The following IL31RA variants were observed in gnomAD, a reference collection of about 807,000 sequenced individuals.
IL31RA encodes interleukin 31 receptor A, also known as interleukin-31 receptor subunit alpha.
Under a neutral mutation model 83.7 loss-of-function variants are expected in IL31RA, and 66 were observed. The observed-to-expected ratio is 0.79, with a 90% CI of 0.65 to 0.97. The LOEUF is 0.97. Among genes scored for constraint, IL31RA ranks in the 50% least tolerant of loss-of-function variants. The pLI, the probability that IL31RA is intolerant of heterozygous loss-of-function variation, is 0.00. For synonymous variants in IL31RA, 325 were observed against 329.0 expected (o/e 0.99, Z 0.13); for missense variants, 798 against 919.4 (o/e 0.87, Z 1.71).
At chr5:55,902,661 T>G (rs1393281436) in intron 8 of IL31RA, among the ~76,000 whole-genome samples, 1 of 152,038 alleles carries the variant, frequency 6.6e-6, no homozygotes, top group Non-Finnish European at 1.5e-5. Context: ...GAAAGTAATA[T>G]TCTACAGAAT....
the IL31RA span, chr5:55,839,943 T>C: frequency 1.5e-6 from 1 of 663,830 alleles, no homozygotes; most frequent in Non-Finnish European, 2.8e-6. Context: ...GAAGAAACGC[T>C]GCACTTCATC....
At chr5:55,839,891 A>G in the IL31RA span, 9 of 717,496 alleles carry the variant, frequency 1.3e-5, no homozygotes, top group Admixed American at 1.9e-5. Context: ...TCTGTTGTAG[A>G]TGAAACGAAT....
chr5:55,859,625 G>A (rs769570364), intron 2 of IL31RA, 26 bp downstream of exon 2: 1 of 1,438,842 alleles, frequency 7.0e-7, no homozygotes, highest in Admixed American at 1.7e-5. Context: ...CCCTTTTACA[G>A]ATCATGTGAT....
intron 2 of IL31RA, among the ~76,000 whole-genome samples, chr5:55,861,611 G>A (rs1452555693): frequency 2.0e-5 from 3 of 152,192 alleles, no homozygotes; most frequent in Non-Finnish European, 4.4e-5. Context: ...GGGGACTGCT[G>A]TGATAGAAAA....
At chr5:55,841,924 GT>G in the IL31RA span, among the ~76,000 whole-genome samples, 1 of 150,302 alleles carries the variant, frequency 6.7e-6, no homozygotes, top group Non-Finnish European at 1.5e-5. Flanking sequence ...GGGAGAATCT[GT>G]TCCATGTTTT....
In IL31RA at chr5:55,919,119, G is replaced by A. The variant is rs1057109643; in HGVS notation, c.*1999G>A. ...TTGGCAACCCCACCTTCAGATTCAT[G>A]AACATATGGGGAGATTCTAGCCTTG... is the stretch of plus-strand genomic sequence containing the variant. On this transcript the variant is annotated 3_prime_UTR_variant, in exon 15 of 15. Transcript: ENST00000652347. Among the ~76,000 whole-genome samples the A allele has an allele frequency of 6.6e-6, 1 of 152,098 alleles. No individual in the cohort carries two copies. Among genetic ancestry groups the A allele is most frequent in the Admixed American group, 6.5e-5 (1 of 15,270 alleles).
chr5:55,884,578 G>C (rs929199919), intron 5 of IL31RA, among the ~76,000 whole-genome samples: 3 of 152,126 alleles, frequency 2.0e-5, no homozygotes, highest in African/African-American at 7.2e-5. Flanking sequence ...AGGACTACAG[G>C]CATATGCCAC....
intron 3 of IL31RA, among the ~76,000 whole-genome samples, chr5:55,871,331 C>T (rs184586038): frequency 6.6e-6 from 1 of 152,176 alleles, no homozygotes; most frequent in African/African-American, 2.4e-5. Context: ...CTATGTCTCC[C>T]TGTATGTATT....
At chr5:55,891,447 A>G (rs1747986939) in intron 6 of IL31RA, among the ~76,000 whole-genome samples, 1 of 152,168 alleles carries the variant, frequency 6.6e-6, no homozygotes, top group Admixed American at 6.5e-5. Context: ...CAGCAGGGCC[A>G]TTTCCTTCTG....
At chr5:55,860,448 G>A (rs2112307083) in intron 2 of IL31RA, among the ~76,000 whole-genome samples, 1 of 152,182 alleles carries the variant, frequency 6.6e-6, no homozygotes, top group Middle Eastern at 3.4e-3. Flanking sequence ...TTTTCAGATG[G>A]CGTTGATCAC....
rs923912095 is a variant in IL31RA, at chr5:55,917,319, C to T, written c.*199C>T. The stretch of plus-strand genomic sequence containing the variant: ...ACTGGGAAGAAGGGATGGTGATAAG[C>T]CCGAGTTTTGTAAAGGAACAGCAGT... On this transcript the variant is annotated 3_prime_UTR_variant, in exon 15 of 15. Coordinates refer to ENST00000652347, the MANE Select transcript of IL31RA (RefSeq NM_139017.7). 1.4e-6 allele frequency: 2 copies of T among 1,457,782 alleles called. No individual in the cohort carries two copies. The highest frequency in any genetic ancestry group is 2.8e-5 in the African/African-American group (2 of 70,408). 90.3% of individuals were successfully genotyped at this position (1,457,782 alleles called of 1,614,324 possible). A position where few individuals can be genotyped will look rare whatever the true frequency, so the allele number is the denominator to read the frequency against.
intron 2 of IL31RA, among the ~76,000 whole-genome samples, chr5:55,861,253 G>T (rs770196558): frequency 6.6e-6 from 1 of 152,132 alleles, no homozygotes; most frequent in Non-Finnish European, 1.5e-5. Context: ...AGCCCCTTGG[G>T]GTTACACCTG....
chr5:55,913,397 C>T (rs940931466), intron 12 of IL31RA, 80 bp from the exon 13 acceptor site: 7 of 892,764 alleles, frequency 7.8e-6, no homozygotes, highest in Non-Finnish European at 1.3e-5. Flanking sequence ...GCTGAAGCTA[C>T]TAGAAGAAAA....
chr5:55,860,780 C>T (rs896632851), intron 2 of IL31RA, among the ~76,000 whole-genome samples: 3 of 152,138 alleles, frequency 2.0e-5, no homozygotes, highest in South Asian at 2.1e-4. Context: ...GTGGGGAAGG[C>T]GTCATGTAGC....
chr5:55,848,330 G>A (rs1189091042), upstream of IL31RA, among the ~76,000 whole-genome samples: 1 of 152,090 alleles, frequency 6.6e-6, no homozygotes, highest in African/African-American at 2.4e-5. Flanking sequence ...ATGAAGTAAT[G>A]TATATTTATT....
chr5:55,867,268 CGTGTGTGTGCATGT>C (rs1355289877), intron 2 of IL31RA, among the ~76,000 whole-genome samples: 62 of 127,912 alleles, frequency 4.8e-4, no homozygotes, highest in Middle Eastern at 4.2e-3. Flanking sequence ...TGTTTGTGTG[CGTGTGTGTGCATGT>C]GTGTGTGCAT....
intron 7 of IL31RA, among the ~76,000 whole-genome samples, chr5:55,898,282 C>T (rs908182953): frequency 6.6e-6 from 1 of 152,158 alleles, no homozygotes; most frequent in Non-Finnish European, 1.5e-5. Flanking sequence ...CCGCCTCCTC[C>T]CCGTCGCCTG....
At chr5:55,904,859 C>G (rs1396319225) in intron 8 of IL31RA, among the ~76,000 whole-genome samples, 4 of 122,042 alleles carry the variant, frequency 3.3e-5, no homozygotes, top group African/African-American at 1.3e-4. Flanking sequence ...TTTTGCAGGA[C>G]ACTTTTGTGC....
In IL31RA at chr5:55,919,097, G is replaced by A. The variant is rs939201205; in HGVS notation, c.*1977G>A. 6.6e-6 allele frequency among the ~76,000 whole-genome samples: 1 copy of A among 152,080 alleles called. No individual in the cohort carries two copies. The highest frequency in any genetic ancestry group is 1.5e-5 in the Non-Finnish European group (1 of 68,014). On this transcript the variant is annotated 3_prime_UTR_variant, in exon 15 of 15. Coordinates refer to ENST00000652347, the MANE Select transcript of IL31RA (RefSeq NM_139017.7). ...CCCAGAGTTCCAGATGGGGCCTTTGGCAACCCCACCTTCAGATTCATGAAC... is the reference window on the plus strand; with the variant it reads ...CCCAGAGTTCCAGATGGGGCCTTTGACAACCCCACCTTCAGATTCATGAAC...
Sources: gnomAD v4.1 joint callset for allele counts (sites outside exome capture counted in the v4.1 genomes callset) on GRCh38, gnomAD v4.1.1 for gene constraint, MANE v1.5 for transcripts, NCBI Gene and HGNC (gene_info 2026-07-23, HGNC 2026-07-21) for gene names.